Variants in CDK14 observed in about 807,000 individuals in gnomAD.
CDK14 encodes cyclin-dependent kinase 14.
A neutral mutation model predicts 60.7 loss-of-function variants in CDK14; 34 were observed. The ratio of observed to expected loss-of-function variants is 0.56; its 90% CI spans 0.43 to 0.75. The LOEUF is 0.75. Among genes scored for constraint, CDK14 ranks in the 30% least tolerant of loss-of-function variants. The pLI is 0.00. For synonymous variants in CDK14, 197 were observed against 203.7 expected (o/e 0.97, Z 0.28); for missense variants, 482 against 564.1 (o/e 0.85, Z 1.47).
At chr7:90,843,955 G>A (rs1419608354) in intron 5 of CDK14, among the ~76,000 whole-genome samples, 1 of 151,950 alleles carries the variant, frequency 6.6e-6, no homozygotes, top group Non-Finnish European at 1.5e-5. Context: ...TTTTACTAGG[G>A]AAAAGGTAAG....
At chr7:90,789,136 A>G (rs1474603111) in intron 4 of CDK14, among the ~76,000 whole-genome samples, 1 of 152,206 alleles carries the variant, frequency 6.6e-6, no homozygotes, top group Non-Finnish European at 1.5e-5. Flanking sequence ...TATTTATTAC[A>G]TCATTGTAGT....
intron 2 of CDK14, among the ~76,000 whole-genome samples, chr7:90,652,911 G>T (rs567428176): frequency 1.3e-5 from 2 of 152,108 alleles, no homozygotes; most frequent in African/African-American, 4.8e-5. Context: ...CTGTGTCTTT[G>T]CTTGTTTGCA....
intron 11 of CDK14, among the ~76,000 whole-genome samples, chr7:91,063,674 G>C (rs141732609): frequency 6.6e-6 from 1 of 152,140 alleles, no homozygotes; most frequent in Non-Finnish European, 1.5e-5. Context: ...ATTATATATC[G>C]GGAGTTAGAG....
intron 2 of CDK14, among the ~76,000 whole-genome samples, chr7:90,703,122 T>A (rs901154262): frequency 6.6e-6 from 1 of 152,000 alleles, no homozygotes; most frequent in East Asian, 1.9e-4. Context: ...GATTGTAGCC[T>A]CTGTCCTCAA....
At chr7:91,196,102 T>C (rs1802530389) in intron 14 of CDK14, among the ~76,000 whole-genome samples, 1 of 152,200 alleles carries the variant, frequency 6.6e-6, no homozygotes, top group African/African-American at 2.4e-5. Context: ...CATGTTGACT[T>C]ATAGTTAGCT....
At chr7:90,788,377 C>A (rs1271662622) in intron 4 of CDK14, among the ~76,000 whole-genome samples, 1 of 152,190 alleles carries the variant, frequency 6.6e-6, no homozygotes, top group Non-Finnish European at 1.5e-5. Flanking sequence ...CAGTCTCCAG[C>A]TGAACCCCAT....
intron 9 of CDK14, among the ~76,000 whole-genome samples, chr7:90,965,129 CTT>C (rs1157491555): frequency 6.6e-6 from 1 of 152,108 alleles, no homozygotes; most frequent in Non-Finnish European, 1.5e-5. Context: ...TGTAGCATTT[CTT>C]ATCTCAGACT....
intron 10 of CDK14, among the ~76,000 whole-genome samples, chr7:91,027,963 T>TTCTCCCCTTTCCCC (rs1295336200): frequency 8.9e-6 from 1 of 112,940 alleles, no homozygotes; most frequent in Non-Finnish European, 1.8e-5. Context: ...CTCCGCTCCC[T>TTCTCCCCTTTCCCC]TCTCCCCTTT....
intron 5 of CDK14, among the ~76,000 whole-genome samples, chr7:90,862,240 C>CA (rs1413164562): frequency 6.6e-6 from 1 of 152,044 alleles, no homozygotes; most frequent in East Asian, 1.9e-4. Flanking sequence ...AATGAAAAGT[C>CA]AGAGATTGGC....
At chr7:90,891,848 G>A (rs1464711328) in intron 6 of CDK14, among the ~76,000 whole-genome samples, 1 of 152,204 alleles carries the variant, frequency 6.6e-6, no homozygotes, top group Admixed American at 6.5e-5. Flanking sequence ...GGCTTTATTT[G>A]GATTTTTGCT....
At chr7:91,202,835 A>T (rs1434490357) in intron 14 of CDK14, among the ~76,000 whole-genome samples, 1 of 152,232 alleles carries the variant, frequency 6.6e-6, no homozygotes, top group Non-Finnish European at 1.5e-5. Flanking sequence ...GTCTAAGCCC[A>T]AACCTAATCA....
intron 5 of CDK14, among the ~76,000 whole-genome samples, chr7:90,829,224 C>A (rs1465718250): frequency 3.9e-5 from 6 of 152,068 alleles, no homozygotes; most frequent in Non-Finnish European, 8.8e-5. Flanking sequence ...CAAACCATAT[C>A]ATTCTCCCCC....
At chr7:90,872,711 T>C (rs902678096) in intron 6 of CDK14, among the ~76,000 whole-genome samples, 25 of 134,688 alleles carry the variant, frequency 1.9e-4, no homozygotes, top group Non-Finnish European at 3.3e-4. Flanking sequence ...TTTATGTGAT[T>C]GCTCTCCTTA....
chr7:90,785,365 T>C (rs1322727417), intron 4 of CDK14, among the ~76,000 whole-genome samples: 3 of 152,224 alleles, frequency 2.0e-5, no homozygotes, highest in African/African-American at 7.2e-5. Context: ...AGGCTTTCTT[T>C]GAGAATTTTT....
intron 3 of CDK14, among the ~76,000 whole-genome samples, chr7:90,743,077 G>T (rs1312293185): frequency 6.6e-6 from 1 of 152,134 alleles, no homozygotes; most frequent in African/African-American, 2.4e-5. Context: ...GAGGTCAGGT[G>T]TGGAATTTTC....
chr7:90,757,359 C>T (rs979576530), intron 4 of CDK14, among the ~76,000 whole-genome samples: 5 of 110,194 alleles, frequency 4.5e-5, no homozygotes, highest in African/African-American at 1.6e-4. Context: ...CCATAAATGA[C>T]TCATTTCAAA....
intron 1 of CDK14, 48 bp from the exon 2 acceptor site, chr7:90,604,170 T>A: frequency 7.7e-7 from 1 of 1,299,046 alleles, no homozygotes; most frequent in Non-Finnish European, 1.1e-6. Context: ...ACTTAGTCTC[T>A]TTGGAATTTT....
intron 7 of CDK14, among the ~76,000 whole-genome samples, chr7:90,903,917 G>A (rs1218031417): frequency 6.6e-6 from 1 of 152,078 alleles, no homozygotes; most frequent in Non-Finnish European, 1.5e-5. Flanking sequence ...AGGAGGAGAG[G>A]CCAAGATTTC....
intron 14 of CDK14, among the ~76,000 whole-genome samples, chr7:91,197,141 T>C (rs1483973995): frequency 6.6e-6 from 1 of 152,166 alleles, no homozygotes; most frequent in African/African-American, 2.4e-5. Flanking sequence ...GGCTCACTCC[T>C]GTAATCCCAG....
Sources: gnomAD v4.1 joint callset for allele counts (sites outside exome capture counted in the v4.1 genomes callset) on GRCh38, gnomAD v4.1.1 for gene constraint, MANE v1.5 for transcripts, NCBI Gene and HGNC (gene_info 2026-07-23, HGNC 2026-07-21) for gene names.